IGF1R: variants seen among roughly 807,000 people sequenced by gnomAD.
The protein encoded by IGF1R is insulin like growth factor 1 receptor.
A neutral mutation model predicts 144.6 loss-of-function variants in IGF1R; 44 were observed. That is an observed-to-expected ratio of 0.30 (90% confidence interval 0.24 to 0.39). IGF1R has a LOEUF of 0.39. Ranked by LOEUF, IGF1R falls within the 10% of genes least tolerant of loss-of-function variation. The probability of loss-of-function intolerance (pLI) is 1.00; values close to 1 mark genes in which losing one functional copy is unlikely to be tolerated. For missense variants in IGF1R, 1,355 were observed against 1,833.7 expected (o/e 0.74, Z 4.77); for synonymous variants, 795 against 722.8 (o/e 1.10, Z -1.60).
chr15:98,828,781 T>TTG (rs1231638521), intron 2 of IGF1R, among the ~76,000 whole-genome samples: 1 of 151,794 alleles, frequency 6.6e-6, no homozygotes, highest in Non-Finnish European at 1.5e-5. Flanking sequence ...ATGGTTTTTT[T>TTG]TTTTTTTTTT....
intron 1 of IGF1R, among the ~76,000 whole-genome samples, chr15:98,702,803 T>A (rs1329068361): frequency 6.6e-6 from 1 of 152,000 alleles, no homozygotes; most frequent in Admixed American, 6.6e-5. Context: ...CTAGGTGTTA[T>A]GGTGTACCCC....
chr15:98,790,620 G>A (rs1293684723), intron 2 of IGF1R, among the ~76,000 whole-genome samples: 1 of 152,172 alleles, frequency 6.6e-6, no homozygotes, highest in Admixed American at 6.5e-5. Context: ...TCCCACAGCA[G>A]ACCCTTCTGT....
At chr15:98,833,947 G>A (rs1055423036) in intron 2 of IGF1R, among the ~76,000 whole-genome samples, 2 of 152,100 alleles carry the variant, frequency 1.3e-5, no homozygotes, top group Non-Finnish European at 2.9e-5. Context: ...GTAATTACTC[G>A]AATTACCCTT....
Position 98,935,525 on chromosome 15 carries a change from A to C in IGF1R, c.3297+99A>C. On this transcript the variant is annotated intron_variant, in intron 17 of 20. Transcript: ENST00000650285. The surrounding 1 kb of genome is among the most constrained non-coding windows in gnomAD (Gnocchi z 4.2). ...AAATGCTGTGTCTTTAAATCAGTTT[A>C]CTTTCCAGCATCCAGTGTTTCTTAC... 1 of 783,654 alleles carries C rather than the reference A, an allele frequency of 1.3e-6. No homozygotes were observed. The highest frequency in any genetic ancestry group is 2.2e-6 in the Non-Finnish European group (1 of 445,632). The allele number at this position is 783,654 out of a possible 1,614,324, so 48.5% of individuals were successfully genotyped here. A position where few individuals can be genotyped will look rare whatever the true frequency, so the allele number is the denominator to read the frequency against.
At chr15:98,701,370 T>G (rs1251687322) in intron 1 of IGF1R, among the ~76,000 whole-genome samples, 2 of 137,996 alleles carry the variant, frequency 1.4e-5, no homozygotes, top group Non-Finnish European at 3.1e-5. Context: ...GGAGTCTCGT[T>G]CTGTCACCCA....
intron 2 of IGF1R, among the ~76,000 whole-genome samples, chr15:98,733,912 A>G (rs2054553954): frequency 6.6e-6 from 1 of 152,058 alleles, no homozygotes; most frequent in Admixed American, 6.6e-5. Flanking sequence ...CATTTGATCT[A>G]CTAACAGCCA....
chr15:98,780,858 T>G (rs1346844305), intron 2 of IGF1R, among the ~76,000 whole-genome samples: 1 of 152,186 alleles, frequency 6.6e-6, no homozygotes, highest in African/African-American at 2.4e-5. Context: ...AGGAAACTTG[T>G]AGGATGTATT....
intron 2 of IGF1R, among the ~76,000 whole-genome samples, chr15:98,775,367 A>G (rs1285218548): frequency 6.6e-6 from 1 of 152,004 alleles, no homozygotes; most frequent in Non-Finnish European, 1.5e-5. Context: ...CCAGGCTGCC[A>G]CCCCCACCTC....
At chr15:98,946,204 G>GGGGCA (rs1263676828) in intron 19 of IGF1R, among the ~76,000 whole-genome samples, 3 of 151,480 alleles carry the variant, frequency 2.0e-5, no homozygotes, top group African/African-American at 4.9e-5. Context: ...GGGGCGGGGC[G>GGGGCA]GGGCAGGGGT....
intron 1 of IGF1R, among the ~76,000 whole-genome samples, chr15:98,694,152 A>C (rs540167429): frequency 6.6e-6 from 1 of 152,110 alleles, no homozygotes; most frequent in African/African-American, 2.4e-5. Flanking sequence ...TTTTTAAAGC[A>C]TAATTGTTCG....
chr15:98,753,945 C>G (rs1448308315), intron 2 of IGF1R, among the ~76,000 whole-genome samples: 1 of 152,178 alleles, frequency 6.6e-6, no homozygotes, highest in Admixed American at 6.5e-5. Flanking sequence ...TGCCCTCCCT[C>G]CTCTGGGACA....
chr15:98,946,037 G>C (rs1038013473), intron 19 of IGF1R, among the ~76,000 whole-genome samples: 1 of 151,986 alleles, frequency 6.6e-6, no homozygotes, highest in South Asian at 2.1e-4. Flanking sequence ...TGACGACGAT[G>C]ACAGCGTCGT....
intron 1 of IGF1R, among the ~76,000 whole-genome samples, chr15:98,705,638 C>G (rs1596211338): frequency 6.6e-6 from 1 of 152,324 alleles, no homozygotes; most frequent in Non-Finnish European, 1.5e-5. Flanking sequence ...CCTTGGGTCC[C>G]TCCACTTCCT....
chr15:98,914,827 A>G (rs2015173691), intron 8 of IGF1R, among the ~76,000 whole-genome samples: 2 of 152,160 alleles, frequency 1.3e-5, no homozygotes, highest in African/African-American at 4.8e-5. Context: ...GTTTGGTGAC[A>G]CCTATCGTAA....
At chr15:98,817,887 C>G (rs1295284454) in intron 2 of IGF1R, among the ~76,000 whole-genome samples, 2 of 152,222 alleles carry the variant, frequency 1.3e-5, no homozygotes, top group Non-Finnish European at 2.9e-5. Flanking sequence ...CTGCCTACTT[C>G]ACCTCTTCTC....
intron 2 of IGF1R, among the ~76,000 whole-genome samples, chr15:98,803,222 G>T (rs931222457): frequency 1.3e-5 from 2 of 152,226 alleles, no homozygotes; most frequent in Admixed American, 6.5e-5. Flanking sequence ...ATAGCCTGTT[G>T]CTCGTAGGCT....
At position 98,649,054 on chromosome 15, in the gene IGF1R, C is replaced by A. The variant is rs1342869861; in HGVS notation, c.-528C>A. 2 of 210,252 alleles carry A rather than the reference C, an allele frequency of 9.5e-6. No individual in the cohort carries two copies. The highest frequency in any genetic ancestry group is 1.3e-4 in the East Asian group (2 of 15,236). The allele number at this position is 210,252 out of a possible 1,614,324, so 13.0% of individuals were successfully genotyped here. On this transcript the variant is annotated 5_prime_UTR_variant, in exon 1 of 21. Transcript: ENST00000650285. ...CCAGGAGGAGGAGGAGGAGGGGGAG[C>A]CGCTCATTCATTTTGACTCCGCGTT...
chr15:98,886,145 C>A (rs2013629116), intron 2 of IGF1R, among the ~76,000 whole-genome samples: 1 of 152,022 alleles, frequency 6.6e-6, no homozygotes, highest in Non-Finnish European at 1.5e-5. Flanking sequence ...AATGGTTTCT[C>A]TGCACTAATG....
At chr15:98,903,266 A>G (rs2014573111) in intron 5 of IGF1R, among the ~76,000 whole-genome samples, 1 of 152,240 alleles carries the variant, frequency 6.6e-6, no homozygotes, top group Admixed American at 6.5e-5. Flanking sequence ...ATAAGGAGTT[A>G]AAGTTTCACA....
Sources: allele counts gnomAD v4.1 joint callset (sites outside exome capture counted in the v4.1 genomes callset), GRCh38; gene constraint gnomAD v4.1.1; non-coding constraint Gnocchi (gnomAD v3.1); transcripts MANE v1.5; gene names NCBI Gene and HGNC (gene_info 2026-07-23, HGNC 2026-07-21).